The following KIF6 variants were observed in gnomAD, a reference collection of about 807,000 sequenced individuals.
The protein encoded by KIF6 is kinesin-like protein KIF6.
In KIF6, 106 loss-of-function variants were observed where a neutral mutation model predicts 112.7. That is an observed-to-expected ratio of 0.94 (90% CI 0.80 to 1.11). The LOEUF is 1.11. KIF6 is among the 50% of genes least tolerant of loss of function. The pLI is 0.00. For synonymous variants in KIF6, 339 were observed against 339.9 expected (o/e 1.00, Z 0.03); for missense variants, 929 against 964.0 (o/e 0.96, Z 0.48).
chr6:39,351,979 G>A (rs756463705), intron 19 of KIF6, among the ~76,000 whole-genome samples: 1 of 152,230 alleles, frequency 6.6e-6, no homozygotes, highest in Non-Finnish European at 1.5e-5. Context: ...AAATTTACTG[G>A]CCTCTAGAGG....
chr6:39,470,332 C>A (rs1319300626), intron 13 of KIF6, among the ~76,000 whole-genome samples: 1 of 152,190 alleles, frequency 6.6e-6, no homozygotes, highest in Admixed American at 6.5e-5. Flanking sequence ...CTGAGCCGTA[C>A]AATGTGATTA....
chr6:39,545,958 A>G (rs1779048280), intron 10 of KIF6, among the ~76,000 whole-genome samples: 1 of 152,158 alleles, frequency 6.6e-6, no homozygotes, highest in Non-Finnish European at 1.5e-5. Flanking sequence ...CATTCTAGCC[A>G]CTCTGAATTT....
chr6:39,604,778 T>C (rs1202884276), intron 6 of KIF6, among the ~76,000 whole-genome samples: 4 of 152,176 alleles, frequency 2.6e-5, no homozygotes, highest in African/African-American at 9.6e-5. Context: ...TCTAGTATGT[T>C]TTATTGTGTA....
chr6:39,581,161 C>CTTTTTTTTTTT (rs60321520), intron 9 of KIF6, among the ~76,000 whole-genome samples: 2 of 78,706 alleles, frequency 2.5e-5, no homozygotes, highest in African/African-American at 4.5e-5. Flanking sequence ...GCTTTACTTT[C>CTTTTTTTTTTT]TTTTTTTTTT....
At chr6:39,376,567 C>A (rs545082449) in intron 16 of KIF6, among the ~76,000 whole-genome samples, 2 of 152,244 alleles carry the variant, frequency 1.3e-5, no homozygotes, top group Non-Finnish European at 2.9e-5. Context: ...CTAAGTTTCA[C>A]TCATTCATTC....
intron 3 of KIF6, among the ~76,000 whole-genome samples, chr6:39,688,529 C>T (rs373965458): frequency 1.3e-4 from 20 of 151,836 alleles, no homozygotes; most frequent in Admixed American, 7.2e-4. Context: ...TGATAGATAT[C>T]GGCCAGGAAC....
intron 13 of KIF6, among the ~76,000 whole-genome samples, chr6:39,494,483 A>G (rs937004701): frequency 2.0e-5 from 3 of 152,240 alleles, no homozygotes; most frequent in African/African-American, 7.2e-5. Context: ...GAGAAGAGGT[A>G]GATACTTCCA....
chr6:39,690,758 A>G (rs1160082030), intron 3 of KIF6: 1 of 152,428 alleles, frequency 6.6e-6, no homozygotes, highest in Admixed American at 6.5e-5. Flanking sequence ...GCTCAAGAAG[A>G]GTGGCCAATG....
intron 15 of KIF6, among the ~76,000 whole-genome samples, chr6:39,409,970 T>C (rs1237468988): frequency 6.6e-6 from 1 of 152,246 alleles, no homozygotes; most frequent in Non-Finnish European, 1.5e-5. Flanking sequence ...CTTTTCCTTC[T>C]TAGAAGTGAA....
chr6:39,490,477 G>A (rs1775413104), intron 13 of KIF6, among the ~76,000 whole-genome samples: 1 of 152,224 alleles, frequency 6.6e-6, no homozygotes, highest in South Asian at 2.1e-4. Context: ...GAAATGAGGT[G>A]TGTATCTTTG....
intron 2 of KIF6, among the ~76,000 whole-genome samples, chr6:39,719,749 A>G (rs147722323): frequency 1.4e-4 from 21 of 152,316 alleles, no homozygotes; most frequent in African/African-American, 4.1e-4. Flanking sequence ...GCATTACCCA[A>G]GAGAAATATA....
In KIF6 at chr6:39,526,063, A is replaced by G. The variant is rs188800513; in HGVS notation, c.1645+13940T>C. 1.4e-3 allele frequency among the ~76,000 whole-genome samples: 206 copies of G among 152,298 alleles called. 1 individual carries two copies. The highest frequency in any genetic ancestry group is 1.0e-3 in the Non-Finnish European group (70 of 68,028). On this transcript the variant is annotated intron_variant, in intron 13 of 22. Transcript: ENST00000287152. ...CATTTCAGATTCATTCCACTTAGCTATCTCTTCCTTTACCCTCTACTCTTC... is the reference window on the plus strand; with the variant it reads ...CATTTCAGATTCATTCCACTTAGCTGTCTCTTCCTTTACCCTCTACTCTTC...
chr6:39,699,368 A>G (rs1038944286), intron 3 of KIF6, among the ~76,000 whole-genome samples: 1 of 152,210 alleles, frequency 6.6e-6, no homozygotes, highest in Non-Finnish European at 1.5e-5. Flanking sequence ...AGTGTGAGCT[A>G]TCTGGGTATG....
intron 12 of KIF6, among the ~76,000 whole-genome samples, chr6:39,540,955 C>A (rs553116550): frequency 6.6e-6 from 1 of 152,192 alleles, no homozygotes; most frequent in South Asian, 2.1e-4. Context: ...ATTCTGTGTT[C>A]ACGATGCCTA....
chr6:39,535,197 A>G (rs1778347191), intron 13 of KIF6, among the ~76,000 whole-genome samples: 1 of 152,228 alleles, frequency 6.6e-6, no homozygotes, highest in Non-Finnish European at 1.5e-5. Flanking sequence ...GACAGGATCA[A>G]ATTCACACAT....
rs150047887 is a variant in KIF6, at chr6:39,617,829, C to T, written c.510-4511G>A. 1.0e-4 allele frequency: 44 copies of T among 441,450 alleles called. No individual in the cohort carries two copies. In the East Asian group the frequency reaches 2.9e-3, roughly 30 times the overall value. 27.3% of individuals were successfully genotyped at this position (441,450 alleles called of 1,614,324 possible). Reference sequence around the variant, plus strand: ...TGACAATGGGTGGGGGTGCACCAGGCTCTTCTAAATAACTAGATATGTTTC... The same window carrying T: ...TGACAATGGGTGGGGGTGCACCAGGTTCTTCTAAATAACTAGATATGTTTC... On this transcript the variant is annotated intron_variant, in intron 5 of 22. Coordinates refer to ENST00000287152, the MANE Select transcript of KIF6 (RefSeq NM_145027.6).
At chr6:39,506,425 G>C (rs964779950) in intron 13 of KIF6, among the ~76,000 whole-genome samples, 11 of 152,008 alleles carry the variant, frequency 7.2e-5, no homozygotes, top group African/African-American at 2.7e-4. Flanking sequence ...CTAAAACCTA[G>C]GTGACAGATT....
intron 13 of KIF6, among the ~76,000 whole-genome samples, chr6:39,472,863 CTTT>C (rs111676822): frequency 2.1e-5 from 3 of 143,512 alleles, no homozygotes; most frequent in Non-Finnish European, 1.5e-5. Flanking sequence ...TGTACATTTT[CTTT>C]TTTTTTTTTT....
At chr6:39,426,528 A>G (rs1267808684) in intron 14 of KIF6, among the ~76,000 whole-genome samples, 1 of 152,014 alleles carries the variant, frequency 6.6e-6, no homozygotes, top group Non-Finnish European at 1.5e-5. Context: ...GGGAGGGGGG[A>G]GGATCATTTG....
Sources: gnomAD v4.1 joint callset for allele counts (sites outside exome capture counted in the v4.1 genomes callset) on GRCh38, gnomAD v4.1.1 for gene constraint, MANE v1.5 for transcripts, NCBI Gene and HGNC (gene_info 2026-07-23, HGNC 2026-07-21) for gene names.